The following SNTG1 variants were observed in gnomAD, a reference collection of about 807,000 sequenced individuals.
SNTG1 encodes syntrophin gamma 1, also known as gamma-1-syntrophin.
In SNTG1, 39 loss-of-function variants were observed where a neutral mutation model predicts 74.7. The ratio of observed to expected loss-of-function variants is 0.52; its 90% CI spans 0.40 to 0.68. The LOEUF (loss-of-function observed/expected upper bound fraction) is 0.68. Among genes scored for constraint, SNTG1 ranks in the 30% least tolerant of loss-of-function variants. The pLI is 0.00. For synonymous variants in SNTG1, 254 were observed against 217.1 expected, an observed-to-expected ratio of 1.17 and a Z score of -1.49; for missense variants, 685 against 609.5, an observed-to-expected ratio of 1.12 and a Z score of -1.30.
chr8:50,779,897 G>C (rs1385325968), intron 18 of SNTG1, among the ~76,000 whole-genome samples: 1 of 138,866 alleles, frequency 7.2e-6, no homozygotes, highest in Admixed American at 7.2e-5. Flanking sequence ...AATTTATTGA[G>C]AGTTTTTAGC....
chr8:50,264,988 TA>T (rs1288796881), intron 2 of SNTG1, among the ~76,000 whole-genome samples: 1 of 152,226 alleles, frequency 6.6e-6, no homozygotes, highest in East Asian at 1.9e-4. Flanking sequence ...CCAATAATTT[TA>T]AAAACTTCTT....
At chr8:50,181,059 C>T (rs1052793175) in intron 2 of SNTG1, among the ~76,000 whole-genome samples, 40 of 152,228 alleles carry the variant, frequency 2.6e-4, no homozygotes, top group South Asian at 6.2e-4. Context: ...CCACTGCACC[C>T]GGCCTGTGAA....
chr8:50,459,376 T>G lies in SNTG1; in HGVS notation c.363+8647T>G, dbSNP rs147078673. ...ATTAGAATGGTTTTAGTTTTTATTTTTATTTTTTATTTGAGCATTTTATTT... is the reference window on the plus strand; with the variant it reads ...ATTAGAATGGTTTTAGTTTTTATTTGTATTTTTTATTTGAGCATTTTATTT... On this transcript the variant is annotated intron_variant, in intron 8 of 18. Coordinates refer to ENST00000642720, the MANE Select transcript of SNTG1 (RefSeq NM_018967.5). 1.5e-3 allele frequency among the ~76,000 whole-genome samples: 235 copies of G among 152,276 alleles called. 1 individual carries two copies. The highest frequency in any genetic ancestry group is 5.5e-3 in the African/African-American group (227 of 41,572).
intron 1 of SNTG1, among the ~76,000 whole-genome samples, chr8:50,109,984 C>T (rs1245317171): frequency 1.3e-5 from 2 of 152,232 alleles, no homozygotes; most frequent in Middle Eastern, 3.4e-3. Context: ...AGTTTCTGCC[C>T]AGGCTTGTGG....
At chr8:50,764,739 A>T (rs1585737690) in intron 18 of SNTG1, among the ~76,000 whole-genome samples, 1 of 151,936 alleles carries the variant, frequency 6.6e-6, no homozygotes, top group South Asian at 2.1e-4. Context: ...CTGAAATAGA[A>T]CCACCACTCT....
intron 17 of SNTG1, among the ~76,000 whole-genome samples, chr8:50,750,498 G>A (rs1281082290): frequency 6.6e-6 from 1 of 151,938 alleles, no homozygotes; most frequent in Non-Finnish European, 1.5e-5. Flanking sequence ...CTATATTGCA[G>A]GCTACAGAAA....
At chr8:49,941,593 C>A (rs1808695639) in intron 1 of SNTG1, among the ~76,000 whole-genome samples, 2 of 150,912 alleles carry the variant, frequency 1.3e-5, no homozygotes, top group Middle Eastern at 7.1e-3. Context: ...GGCCTTTGCA[C>A]CTGCTTCAGG....
chr8:50,568,137 T>G (rs1056610650), intron 12 of SNTG1, among the ~76,000 whole-genome samples: 2 of 152,100 alleles, frequency 1.3e-5, no homozygotes, highest in Admixed American at 1.3e-4. Context: ...TTATTTCACT[T>G]AATACATTGT....
chr8:50,005,592 A>G (rs573172828), intron 1 of SNTG1, among the ~76,000 whole-genome samples: 1 of 152,178 alleles, frequency 6.6e-6, no homozygotes, highest in Non-Finnish European at 1.5e-5. Context: ...GTTACTATAT[A>G]CATACAAATA....
chr8:49,921,047 AG>A (rs1277632883), intron 1 of SNTG1, among the ~76,000 whole-genome samples: 1 of 152,108 alleles, frequency 6.6e-6, no homozygotes. Flanking sequence ...AACCAAATGC[AG>A]GTGAAGAACC....
At chr8:50,786,726 A>G (rs1050827835) in intron 18 of SNTG1, among the ~76,000 whole-genome samples, 5 of 151,998 alleles carry the variant, frequency 3.3e-5, no homozygotes, top group Non-Finnish European at 7.4e-5. Flanking sequence ...GCTTTTCAAC[A>G]CAGCAGAATG....
In SNTG1 at chr8:50,228,056, G is replaced by C. The variant is rs560849091; in HGVS notation, c.-28+55421G>C. Among the ~76,000 whole-genome samples the C allele has an allele frequency of 2.6e-4, 40 of 151,762 alleles. No homozygotes were observed. In the Middle Eastern group the frequency reaches 0.014, roughly 52 times the overall value. ...AAATGGAGAATTTAAAAATAGTTAT[G>C]TTTAATATGGAACATAACAGAAAAA... On this transcript the variant is annotated intron_variant, in intron 2 of 18. Coordinates refer to ENST00000642720, the MANE Select transcript of SNTG1 (RefSeq NM_018967.5).
At chr8:49,955,241 T>G (rs1810049728) in intron 1 of SNTG1, among the ~76,000 whole-genome samples, 1 of 152,250 alleles carries the variant, frequency 6.6e-6, no homozygotes, top group Non-Finnish European at 1.5e-5. Context: ...ACTGGACAAT[T>G]CACTCTTTGT....
At chr8:50,439,989 C>G (rs1165249374) in intron 5 of SNTG1, among the ~76,000 whole-genome samples, 1 of 151,420 alleles carries the variant, frequency 6.6e-6, no homozygotes. Flanking sequence ...TCTATTTTTA[C>G]TAAAATGCCA....
intron 1 of SNTG1, among the ~76,000 whole-genome samples, chr8:50,154,100 T>A (rs911533864): frequency 2.6e-5 from 4 of 152,064 alleles, no homozygotes; most frequent in Non-Finnish European, 5.9e-5. Flanking sequence ...GCCTCAGCAA[T>A]GGTGGGCACC....
chr8:49,927,887 G>A (rs1172908134), intron 1 of SNTG1, among the ~76,000 whole-genome samples: 10 of 151,900 alleles, frequency 6.6e-5, no homozygotes, highest in Admixed American at 5.9e-4. Flanking sequence ...GGAGGCTGAG[G>A]GGTCAGATCA....
intron 17 of SNTG1, among the ~76,000 whole-genome samples, chr8:50,724,221 T>C (rs1448860762): frequency 6.6e-6 from 1 of 152,128 alleles, no homozygotes; most frequent in Non-Finnish European, 1.5e-5. Flanking sequence ...GTGGAAGATA[T>C]CACAGATATA....
rs149956751 is a variant in SNTG1 at position 50,633,378 on chromosome 8, G to A, written c.850-23531G>A. 2.1e-4 allele frequency among the ~76,000 whole-genome samples: 32 copies of A among 152,242 alleles called. No individual in the cohort carries two copies. The East Asian group carries it at 6.0e-3, about 29-fold the overall frequency. ...AGGTACATTTATGTTTCTGCCCTGGGCATTAAAGCAGGAAAATTCATAGCC... is the reference window on the plus strand; with the variant it reads ...AGGTACATTTATGTTTCTGCCCTGGACATTAAAGCAGGAAAATTCATAGCC... On this transcript the variant is annotated intron_variant, in intron 13 of 18. Transcript: ENST00000642720.
At chr8:50,587,216 A>G (rs1263906859) in intron 12 of SNTG1, among the ~76,000 whole-genome samples, 3 of 151,716 alleles carry the variant, frequency 2.0e-5, no homozygotes, top group African/African-American at 7.3e-5. Context: ...ATATGTATAT[A>G]CATATATGTA....
Sources: allele counts gnomAD v4.1 joint callset (sites outside exome capture counted in the v4.1 genomes callset), GRCh38; gene constraint gnomAD v4.1.1; transcripts MANE v1.5; gene names NCBI Gene and HGNC (gene_info 2026-07-23, HGNC 2026-07-21).